Variants in ALK observed in about 807,000 individuals in gnomAD.
ALK encodes ALK receptor tyrosine kinase, also known as ALK tyrosine kinase receptor.
ALK carries 74 observed loss-of-function variants against 163.1 expected under a neutral mutation model. The ratio of observed to expected loss-of-function variants is 0.45; its 90% CI spans 0.38 to 0.55. ALK has a LOEUF of 0.55. Among genes scored for constraint, ALK ranks in the 20% least tolerant of loss-of-function variants. The pLI is 0.00. For synonymous variants in ALK, 960 were observed against 843.2 expected, an observed-to-expected ratio of 1.14 and a Z score of -2.40; for missense variants, 2,063 against 2,105.3, an observed-to-expected ratio of 0.98 and a Z score of 0.39.
At chr2:29,822,691 A>G (rs944764752) in intron 1 of ALK, among the ~76,000 whole-genome samples, 4 of 152,214 alleles carry the variant, frequency 2.6e-5, no homozygotes, top group East Asian at 1.9e-4. Context: ...ACAAGTCACA[A>G]ATATGAACTC....
At chr2:29,770,480 A>G (rs1308432630) in intron 1 of ALK, among the ~76,000 whole-genome samples, 1 of 152,262 alleles carries the variant, frequency 6.6e-6, no homozygotes, top group Non-Finnish European at 1.5e-5. Context: ...TAGTGTTGAC[A>G]GACATCTGAG....
intron 25 of ALK, among the ~76,000 whole-genome samples, chr2:29,208,870 A>C (rs1185958995): frequency 6.6e-6 from 1 of 152,184 alleles, no homozygotes. Context: ...GGAAGAGAAG[A>C]GTGAGAAAAA....
chr2:29,623,117 T>C (rs921011579), intron 3 of ALK, among the ~76,000 whole-genome samples: 1 of 152,172 alleles, frequency 6.6e-6, no homozygotes, highest in East Asian at 1.9e-4. Flanking sequence ...GTGGTGGAAA[T>C]ATAAATTGAT....
intron 3 of ALK, among the ~76,000 whole-genome samples, chr2:29,693,424 C>CAT (rs1160398844): frequency 6.6e-6 from 1 of 150,530 alleles, no homozygotes; most frequent in East Asian, 1.9e-4. Flanking sequence ...CACACACACA[C>CAT]ACACACACAC....
intron 3 of ALK, among the ~76,000 whole-genome samples, chr2:29,667,639 C>T (rs10186036): frequency 0.067 from 10,123 of 151,564 alleles, 1,037 homozygotes; most frequent in African/African-American, 0.22. Context: ...GGGATAAATC[C>T]CACTTGGTCA....
intron 3 of ALK, among the ~76,000 whole-genome samples, chr2:29,651,706 C>T (rs954214297): frequency 1.3e-5 from 2 of 152,256 alleles, no homozygotes; most frequent in East Asian, 1.9e-4. Context: ...ACTTGAGAGT[C>T]GTTCTCAGGG....
At chr2:29,458,818 A>G (rs962736937) in intron 4 of ALK, among the ~76,000 whole-genome samples, 4 of 152,152 alleles carry the variant, frequency 2.6e-5, no homozygotes, top group Admixed American at 2.6e-4. Context: ...GGGCTGTGCT[A>G]AACAGAAGGT....
At chr2:29,537,656 G>T (rs1673297190) in intron 3 of ALK, among the ~76,000 whole-genome samples, 1 of 152,222 alleles carries the variant, frequency 6.6e-6, no homozygotes, top group African/African-American at 2.4e-5. Context: ...GTGGAGCTGT[G>T]GGAAGGGGGC....
intron 1 of ALK, among the ~76,000 whole-genome samples, chr2:29,865,664 G>C (rs902916100): frequency 6.6e-6 from 1 of 152,150 alleles, no homozygotes; most frequent in Admixed American, 6.5e-5. Context: ...AGGGGTATGC[G>C]GTTGGGGATT....
chr2:29,387,627 T>C (rs1163562935), intron 4 of ALK, among the ~76,000 whole-genome samples: 1 of 152,232 alleles, frequency 6.6e-6, no homozygotes, highest in East Asian at 1.9e-4. Context: ...AGGGCCCTTA[T>C]TGATCTGATA....
At chr2:29,206,285 TCCCTCTCTCTCC>T (rs1487900473) in intron 26 of ALK, among the ~76,000 whole-genome samples, 1 of 139,994 alleles carries the variant, frequency 7.1e-6, no homozygotes, top group Non-Finnish European at 1.5e-5. Context: ...GTTCCCTCCC[TCCCTCTCTCTCC>T]CCCTCTCTTG....
intron 4 of ALK, among the ~76,000 whole-genome samples, chr2:29,519,066 C>T (rs1672746207): frequency 6.6e-6 from 1 of 152,162 alleles, no homozygotes; most frequent in South Asian, 2.1e-4. Flanking sequence ...ATTACTATTG[C>T]CATTTTGTGT....
chr2:29,301,940 C>T (rs942881935), intron 8 of ALK, among the ~76,000 whole-genome samples: 9 of 152,216 alleles, frequency 5.9e-5, no homozygotes, highest in African/African-American at 2.2e-4. Context: ...TCTACTCACT[C>T]GCAGATAGTT....
intron 9 of ALK, among the ~76,000 whole-genome samples, chr2:29,284,768 A>G (rs1170274659): frequency 6.6e-6 from 1 of 152,234 alleles, no homozygotes; most frequent in Non-Finnish European, 1.5e-5. Context: ...TTTCTGAGAA[A>G]GAAACAGGGC....
chr2:29,895,841 G>C (rs551808187), intron 1 of ALK, among the ~76,000 whole-genome samples: 1 of 152,194 alleles, frequency 6.6e-6, no homozygotes, highest in Non-Finnish European at 1.5e-5. Flanking sequence ...ACAGGAGTGA[G>C]ATACTGGCTG....
At chr2:29,694,503 T>C (rs774790671) in intron 3 of ALK, among the ~76,000 whole-genome samples, 3 of 152,252 alleles carry the variant, frequency 2.0e-5, no homozygotes, top group Non-Finnish European at 4.4e-5. Context: ...TCATTTGCTG[T>C]TCATCTGAAA....
chr2:29,564,210 A>G (rs1215455998), intron 3 of ALK, among the ~76,000 whole-genome samples: 1 of 151,032 alleles, frequency 6.6e-6, no homozygotes, highest in Non-Finnish European at 1.5e-5. Flanking sequence ...CCTTCTCCCA[A>G]CTCCCTGGGA....
At chr2:29,206,002 G>C (rs1481078695) in intron 26 of ALK, among the ~76,000 whole-genome samples, 1 of 152,150 alleles carries the variant, frequency 6.6e-6, no homozygotes, top group Non-Finnish European at 1.5e-5. Context: ...AGGGGCCAGT[G>C]GGGGCCAGGA....
intron 3 of ALK, among the ~76,000 whole-genome samples, chr2:29,552,463 C>G (rs545279405): frequency 1.3e-5 from 2 of 152,138 alleles, no homozygotes; most frequent in Non-Finnish European, 2.9e-5. Flanking sequence ...TACATTCCCA[C>G]GAGCAATACA....
Sources: gnomAD v4.1 joint callset for allele counts (sites outside exome capture counted in the v4.1 genomes callset) on GRCh38, gnomAD v4.1.1 for gene constraint, MANE v1.5 for transcripts, NCBI Gene and HGNC (gene_info 2026-07-23, HGNC 2026-07-21) for gene names.